The following VAT1 variants were observed in gnomAD, a reference collection of about 807,000 sequenced individuals.
VAT1 encodes the protein NADPH-dependent quinone oxidoreductase VAT1.
VAT1 carries 24 observed loss-of-function variants against 33.3 expected under a neutral mutation model. The ratio of observed to expected loss-of-function variants is 0.72; its 90% CI spans 0.52 to 1.01. The LOEUF (loss-of-function observed/expected upper bound fraction) is 1.01, where lower values mean the gene tolerates loss of function less well. Ranked by LOEUF, VAT1 falls within the 50% of genes least tolerant of loss-of-function variation. VAT1 has a pLI of 0.00. For missense variants in VAT1, 436 were observed against 533.7 expected (o/e 0.82, Z 1.80); for synonymous variants, 212 against 225.0 (o/e 0.94, Z 0.52).
chr17:43,018,625 G>A lies in VAT1; in HGVS notation c.562C>T (p.Pro188Ser). The A allele has an allele frequency of 6.2e-7, 1 of 1,613,988 alleles. No homozygotes were observed. Among genetic ancestry groups the A allele is most frequent in the Non-Finnish European group, 8.5e-7 (1 of 1,180,024 alleles). Reference protein sequence around the residue: ...MVLFDFGNLQPGHSVLVHMAA... With the variant: ...MVLFDFGNLQSGHSVLVHMAA... The stretch of plus-strand genomic sequence containing the variant: ...ATGTGTACCAAGACGCTGTGGCCAG[G>A]CTGTAGGTTGCCGAAGTCAAAGAGG... Residue 188 changes from proline to serine, a missense_variant, in exon 2 of 6, where the codon CCT (proline) becomes TCT (serine). By Grantham distance (74) the Pro-to-Ser change is moderately conservative. Coordinates refer to ENST00000355653, the MANE Select transcript of VAT1 (RefSeq NM_006373.4).
intron 5 of VAT1, 77 bp downstream of exon 5, chr17:43,016,230 C>G (rs1567745772): frequency 6.2e-7 from 1 of 1,609,254 alleles, no homozygotes. Context: ...CCCTCCTCTT[C>G]CCCAGGAATC....
At position 43,016,307 on chromosome 17, in the gene VAT1, C is replaced by A; in HGVS notation, c.1098G>T (p.Lys366Asn). 1.2e-6 allele frequency: 2 copies of A among 1,608,448 alleles called. No homozygotes were observed. Among genetic ancestry groups the A allele is most frequent in the Non-Finnish European group, 8.5e-7 (1 of 1,179,502 alleles). Residue 366 changes from lysine to asparagine, a missense_variant and splice_region_variant, in exon 5 of 6, where the codon AAG (lysine) becomes AAT (asparagine). Lys to Asn is a moderately conservative substitution (Grantham distance 94). Coordinates refer to ENST00000355653, the MANE Select transcript of VAT1 (RefSeq NM_006373.4). Reference sequence around the variant, plus strand: ...CTCCCTGCAAAGTCCTCACATTCACCTTCTCGAAGGGCCAGACTGAGTCAA... The same window carrying A: ...CTCCCTGCAAAGTCCTCACATTCACATTCTCGAAGGGCCAGACTGAGTCAA... ...PHIDSVWPFE[K>N]VADAMKQMQE...
chr17:43,017,777 C>A, intron 4 of VAT1, 64 bp downstream of exon 4: 2 of 1,501,418 alleles, frequency 1.3e-6, no homozygotes, highest in Non-Finnish European at 9.2e-7. Context: ...GCCTCTATAT[C>A]CCACCCCTTA....
chr17:43,022,021 T>C lies in VAT1; in HGVS notation c.302A>G (p.Asp101Gly). The C allele has an allele frequency of 1.2e-6, 2 of 1,606,646 alleles. No individual in the cohort carries two copies. The highest frequency in any genetic ancestry group is 2.2e-5 in the East Asian group (1 of 44,498). Reference sequence around the variant, plus strand: ...AGTGACAGGCAGAGGCGGGAGACGGTCGTACAGCCCCTGCCTAGCCATGAG... The same window carrying C: ...AGTGACAGGCAGAGGCGGGAGACGGCCGTACAGCCCCTGCCTAGCCATGAG... ...ADLMARQGLY[D>G]RLPPLPVTPG... The change falls in exon 1 of 6, where the codon GAC becomes GGC. Residue 101 changes from aspartate (D) to glycine (G), a missense_variant. This residue lies in a region of VAT1 where 282 missense variants were observed against 405.4 expected (regional missense o/e 0.70). Transcript: ENST00000355653.
chr17:43,016,391 GA>G lies in VAT1; in HGVS notation c.1013del (p.Val338AlafsTer34), dbSNP rs2050520708. The G allele has an allele frequency of 6.2e-7, 1 of 1,613,596 alleles. No homozygotes were observed. The highest frequency in any genetic ancestry group is 1.7e-5 in the Admixed American group (1 of 60,004). Reference sequence around the variant, plus strand: ...CCAGGAGGCGGGCCACCACACCACTGACCAGCTCCACCTCACCATCCAGGTA... The same window carrying G: ...CCAGGAGGCGGGCCACCACACCACTGCCAGCTCCACCTCACCATCCAGGTA... Reference protein sequence around the residue: ...LGYLDGEVELVSGVVARLLAL... With the variant: ...LGYLDGEVELXSGVVARLLAL... On this transcript the variant is annotated frameshift_variant, in exon 5 of 6. Coordinates refer to ENST00000355653, the MANE Select transcript of VAT1 (RefSeq NM_006373.4). LOFTEE classifies it high-confidence loss of function.
intron 1 of VAT1, chr17:43,019,060 G>T: frequency 1.9e-6 from 1 of 520,496 alleles, no homozygotes. Context: ...GTTCTTTGAG[G>T]CAGATACTAT....
intron 5 of VAT1, 63 bp from the exon 6 acceptor site, chr17:43,016,207 G>T: frequency 6.2e-7 from 1 of 1,612,514 alleles, no homozygotes; most frequent in Non-Finnish European, 8.5e-7. Context: ...AAGAGCCAGT[G>T]TGATGCAGGC....
At position 43,018,656 on chromosome 17, in the gene VAT1, G is replaced by A. The variant is rs775287702; in HGVS notation, c.531C>T (p.Tyr177=). The A allele has an allele frequency of 3.1e-6, 5 of 1,614,054 alleles. No individual in the cohort carries two copies. The highest frequency in any genetic ancestry group is 4.2e-6 in the Non-Finnish European group (5 of 1,180,054). The change falls in exon 2 of 6, where the codon TAC becomes TAT. Residue 177 remains tyrosine (Y), a synonymous_variant. Transcript: ENST00000355653. The part of the protein sequence containing the change: ...AALLVNYITA[Y]MVLFDFGNLQ... The stretch of plus-strand genomic sequence containing the variant: ...GGTTGCCGAAGTCAAAGAGGACCAT[G>A]TAGGCTGTAATGTAATTGACGAGCA...
In VAT1 at chr17:43,015,419, C is replaced by T. The variant is rs1597782788; in HGVS notation, c.*642G>A. ...TGAAGGGTGGGGGCTCTGTATCCTT[C>T]CCAGAGTTGTGACCTAGGGGAGTAG... On this transcript the variant is annotated 3_prime_UTR_variant, in exon 6 of 6. Transcript: ENST00000355653. The T allele has an allele frequency of 6.5e-6, 1 of 153,422 alleles. No homozygotes were observed. 9.5% of individuals were successfully genotyped at this position (153,422 alleles called of 1,614,324 possible).
In VAT1 at chr17:43,021,976, C is replaced by T; in HGVS notation, c.347G>A (p.Gly116Asp). 1.2e-6 allele frequency: 2 copies of T among 1,611,102 alleles called. No individual in the cohort carries two copies. The highest frequency in any genetic ancestry group is 1.7e-6 in the Non-Finnish European group (2 of 1,179,738). ...LPVTPGMEGA[G>D]VVIAVGEGVS... is the part of the protein sequence containing the mutation. ...TCCCTCGCCCACTGCGATCACAACA[C>T]CCGCGCCCTCCATGCCCGGAGTGAC... is the stretch of plus-strand genomic sequence containing the variant. Residue 116 changes from glycine to aspartate, a missense_variant, in exon 1 of 6, where the codon GGT becomes GAT. Physicochemically the swap from Gly to Asp is moderately conservative, Grantham distance 94. Around this residue, in one of 2 missense-constraint regions of VAT1, gnomAD observed 282 missense variants for 405.4 expected, o/e 0.70. Coordinates refer to ENST00000355653, the MANE Select transcript of VAT1 (RefSeq NM_006373.4).
chr17:43,018,752 T>C lies in VAT1; in HGVS notation c.435A>G (p.Glu145=), dbSNP rs1214767037. The change falls in exon 2 of 6, where the codon GAA becomes GAG. Residue 145 remains glutamate, a synonymous_variant. Coordinates refer to ENST00000355653, the MANE Select transcript of VAT1 (RefSeq NM_006373.4). ...MVLNRSGMWQ[E]EVTVPSVQTF... ...TCTGGACCGAGGGCACAGTCACCTC[T>C]TCCTGCCACATCCCTGACCGGTTCA... 6.2e-7 allele frequency: 1 copy of C among 1,614,138 alleles called. No individual in the cohort carries two copies. Among genetic ancestry groups the C allele is most frequent in the Admixed American group, 1.7e-5 (1 of 60,010 alleles).
chr17:43,018,150 A>G lies in VAT1; in HGVS notation c.652T>C (p.Phe218Leu), dbSNP rs1212267032. The change falls in exon 3 of 6, where the codon TTC becomes CTC. Residue 218 changes from phenylalanine to leucine, a missense_variant. Transcript: ENST00000355653. ...TGCTTGCTGGCCGAGGCCGTTCCGAACACTGTCACATTCTCCACTGTACGG... is the reference window on the plus strand; with the variant it reads ...TGCTTGCTGGCCGAGGCCGTTCCGAGCACTGTCACATTCTCCACTGTACGG... ...LCRTVENVTV[F>L]GTASASKHEA... The G allele has an allele frequency of 6.2e-7, 1 of 1,613,972 alleles. No homozygotes were observed. The highest frequency in any genetic ancestry group is 2.2e-5 in the East Asian group (1 of 44,878).
rs768955515 is a variant in VAT1 at position 43,016,446 on chromosome 17, T to C, written c.959A>G (p.Asn320Ser). 4.3e-5 allele frequency: 69 copies of C among 1,614,064 alleles called. No individual in the cohort carries two copies. Among genetic ancestry groups the C allele is most frequent in the Admixed American group, 2.0e-4 (12 of 60,004 alleles). The change falls in exon 5 of 6, where the codon AAC becomes AGC. Residue 320 changes from asparagine (N) to serine (S), a missense_variant. Transcript: ENST00000355653. ...SVTALQLLQA[N>S]RAVCGFHLGY... Reference sequence around the variant, plus strand: ...CAGGTGGAAGCCACACACAGCCCGGTTGGCCTGCAGCAGCTGCAGAGCTGT... The same window carrying C: ...CAGGTGGAAGCCACACACAGCCCGGCTGGCCTGCAGCAGCTGCAGAGCTGT...
intron 1 of VAT1, among the ~76,000 whole-genome samples, chr17:43,019,808 A>G (rs954056215): frequency 1.1e-4 from 16 of 152,004 alleles, no homozygotes; most frequent in African/African-American, 3.9e-4. Flanking sequence ...TTCTGGGACA[A>G]TCTGGGTCTG....
Position 43,016,333 on chromosome 17 carries a change from T to C in VAT1, c.1072A>G (p.Ile358Val), listed in dbSNP as rs1047297368. The C allele has an allele frequency of 1.2e-6, 2 of 1,610,498 alleles. No individual in the cohort carries two copies. The highest frequency in any genetic ancestry group is 1.7e-6 in the Non-Finnish European group (2 of 1,180,000). ...LYNQGHIKPH[I>V]DSVWPFEKVA... is the part of the protein sequence containing the mutation. ...TTCTCGAAGGGCCAGACTGAGTCAA[T>C]GTGGGGCTTGATGTGGCCCTGGTTG... The change falls in exon 5 of 6, where the codon ATT becomes GTT. Residue 358 changes from isoleucine (I) to valine (V), a missense_variant. Around this residue, in one of 2 missense-constraint regions of VAT1, gnomAD observed 282 missense variants for 405.4 expected, o/e 0.70. Coordinates refer to ENST00000355653, the MANE Select transcript of VAT1 (RefSeq NM_006373.4).
In VAT1 at chr17:43,018,661, C is replaced by A. The variant is rs764098154; in HGVS notation, c.526G>T (p.Ala176Ser). 6.2e-7 allele frequency: 1 copy of A among 1,614,152 alleles called. No homozygotes were observed. Among genetic ancestry groups the A allele is most frequent in the South Asian group, 1.1e-5 (1 of 91,088 alleles). Reference protein sequence around the residue: ...AAALLVNYITAYMVLFDFGNL... With the variant: ...AAALLVNYITSYMVLFDFGNL... ...CCGAAGTCAAAGAGGACCATGTAGG[C>A]TGTAATGTAATTGACGAGCAAGGCA... The change falls in exon 2 of 6, where the codon GCC (alanine) becomes TCC (serine). Residue 176 changes from alanine to serine, a missense_variant. By Grantham distance (99) the Ala-to-Ser change is moderately conservative (BLOSUM62 1). Around this residue, in one of 2 missense-constraint regions of VAT1, gnomAD observed 282 missense variants for 405.4 expected, o/e 0.70. Transcript: ENST00000355653.
chr17:43,018,153 CTGTCACAT>C lies in VAT1; in HGVS notation c.641_648del (p.Asn214SerfsTer28). 6.2e-7 allele frequency: 1 copy of C among 1,614,084 alleles called. No individual in the cohort carries two copies. The highest frequency in any genetic ancestry group is 8.5e-7 in the Non-Finnish European group (1 of 1,180,042). ...TTGCTGGCCGAGGCCGTTCCGAACA[CTGTCACAT>C]TCTCCACTGTACGGCACAGCTGCAC... On this transcript the variant is annotated frameshift_variant, in exon 3 of 6. Coordinates refer to ENST00000355653, the MANE Select transcript of VAT1 (RefSeq NM_006373.4). LOFTEE classifies it high-confidence loss of function.
chr17:43,022,042 ATGAGGTC>A lies in VAT1; in HGVS notation c.274_280del (p.Asp92TrpfsTer25). ...ACGGTCGTACAGCCCCTGCCTAGCCATGAGGTCTGCGAAGTTGAGCCCGCAGGCCCGC... is the reference window on the plus strand; with the variant it reads ...ACGGTCGTACAGCCCCTGCCTAGCCATGCGAAGTTGAGCCCGCAGGCCCGC... On this transcript the variant is annotated frameshift_variant, in exon 1 of 6. Transcript: ENST00000355653. LOFTEE classifies it high-confidence loss of function. 4 of 1,607,940 alleles carry A rather than the reference ATGAGGTC, an allele frequency of 2.5e-6. No individual in the cohort carries two copies. Among genetic ancestry groups the A allele is most frequent in the Non-Finnish European group, 3.4e-6 (4 of 1,178,518 alleles).
At chr17:43,018,560 G>T (rs759741491) in intron 2 of VAT1, 32 bp downstream of exon 2, 87 of 1,609,984 alleles carry the variant, frequency 5.4e-5, no homozygotes, top group Non-Finnish European at 7.2e-5. Context: ...TCTGGGTGGG[G>T]TAAGGGGTGA....
Sources: gnomAD v4.1 joint callset for allele counts (sites outside exome capture counted in the v4.1 genomes callset) on GRCh38, gnomAD v4.1.1 for gene constraint, gnomAD v4.1.1 regional missense constraint, MANE v1.5 for transcripts, NCBI Gene and HGNC (gene_info 2026-07-23, HGNC 2026-07-21) for gene names.